Variants in EYA4 observed in about 807,000 individuals in gnomAD.
EYA4 encodes protein phosphatase EYA4.
EYA4 carries 31 observed loss-of-function variants against 87.9 expected under a neutral mutation model. The observed-to-expected ratio is 0.35, with a 90% CI of 0.27 to 0.48. EYA4 has a LOEUF of 0.48. EYA4 is among the 20% of genes least tolerant of loss of function. The probability of loss-of-function intolerance (pLI) is 0.99; values close to 1 mark genes in which losing one functional copy is unlikely to be tolerated. For missense variants in EYA4, 678 were observed against 761.4 expected, an observed-to-expected ratio of 0.89 and a Z score of 1.29; for synonymous variants, 263 against 270.6, an observed-to-expected ratio of 0.97 and a Z score of 0.28.
chr6:133,354,440 G>A (rs1403199476), intron 2 of EYA4, among the ~76,000 whole-genome samples: 1 of 152,098 alleles, frequency 6.6e-6, no homozygotes, highest in Non-Finnish European at 1.5e-5. Context: ...ATAAAGACTA[G>A]CTACTGTTTC....
intron 2 of EYA4, among the ~76,000 whole-genome samples, chr6:133,345,855 G>A (rs895150762): frequency 1.3e-4 from 20 of 152,176 alleles, no homozygotes; most frequent in Admixed American, 9.8e-4. Flanking sequence ...ATTTTCTTCT[G>A]CACACTGCTA....
chr6:133,472,828 G>C (rs1416380515), intron 11 of EYA4, among the ~76,000 whole-genome samples: 1 of 136,026 alleles, frequency 7.4e-6, no homozygotes, highest in Non-Finnish European at 1.6e-5. Flanking sequence ...TTGTTGAATT[G>C]ATCCCTTTAC....
intron 2 of EYA4, among the ~76,000 whole-genome samples, chr6:133,303,526 C>T (rs542864599): frequency 5.3e-5 from 8 of 152,322 alleles, no homozygotes; most frequent in African/African-American, 1.9e-4. Flanking sequence ...AAGATAGTGA[C>T]TGTGACTGGG....
At chr6:133,250,616 T>C (rs982557680) in intron 1 of EYA4, among the ~76,000 whole-genome samples, 6 of 152,028 alleles carry the variant, frequency 3.9e-5, no homozygotes, top group Non-Finnish European at 8.8e-5. Flanking sequence ...CACTCCAGCC[T>C]GGACAACAGA....
At chr6:133,413,681 A>G (rs1789449390) in intron 3 of EYA4, among the ~76,000 whole-genome samples, 1 of 152,038 alleles carries the variant, frequency 6.6e-6, no homozygotes, top group Admixed American at 6.6e-5. Flanking sequence ...TTCTGGGGTG[A>G]CCTCTTCCAT....
chr6:133,278,629 C>T, intron 2 of EYA4, among the ~76,000 whole-genome samples: 1 of 152,068 alleles, frequency 6.6e-6, no homozygotes. Flanking sequence ...AATTTATATT[C>T]GACTCACTTA....
intron 2 of EYA4, among the ~76,000 whole-genome samples, chr6:133,306,783 A>C (rs1779843674): frequency 6.6e-6 from 1 of 152,188 alleles, no homozygotes; most frequent in Non-Finnish European, 1.5e-5. Context: ...TGTCTTATTT[A>C]TAACTCACAT....
At chr6:133,369,414 T>C (rs1054665491) in intron 2 of EYA4, among the ~76,000 whole-genome samples, 13 of 152,226 alleles carry the variant, frequency 8.5e-5, no homozygotes, top group African/African-American at 2.9e-4. Flanking sequence ...TTACATAAAA[T>C]GTTAACATCT....
chr6:133,488,040 G>A (rs760417102), intron 13 of EYA4, among the ~76,000 whole-genome samples: 5 of 152,110 alleles, frequency 3.3e-5, no homozygotes, highest in Non-Finnish European at 5.9e-5. Flanking sequence ...GAAAGCATTC[G>A]CCACAAGCTG....
At chr6:133,393,369 G>A (rs1787471298) in intron 3 of EYA4, among the ~76,000 whole-genome samples, 1 of 152,116 alleles carries the variant, frequency 6.6e-6, no homozygotes, top group Admixed American at 6.5e-5. Context: ...CAAAACAAGA[G>A]CATACATGGT....
intron 2 of EYA4, among the ~76,000 whole-genome samples, chr6:133,328,836 G>T: frequency 6.6e-6 from 1 of 152,080 alleles, no homozygotes; most frequent in East Asian, 1.9e-4. Flanking sequence ...ATACTAGGTT[G>T]TTATGGGTAA....
intron 1 of EYA4, among the ~76,000 whole-genome samples, chr6:133,245,986 CACT>C (rs1011271202): frequency 1.3e-5 from 2 of 152,132 alleles, no homozygotes; most frequent in East Asian, 3.8e-4. Flanking sequence ...TGAAAATGAA[CACT>C]ACTATTCTTA....
chr6:133,341,406 C>T (rs35677071), intron 2 of EYA4, among the ~76,000 whole-genome samples: 14 of 152,098 alleles, frequency 9.2e-5, no homozygotes, highest in African/African-American at 2.7e-4. Context: ...TTTGTAGGTA[C>T]GCAGGAATAA....
chr6:133,284,238 C>T (rs989425017), intron 2 of EYA4, among the ~76,000 whole-genome samples: 9 of 152,176 alleles, frequency 5.9e-5, no homozygotes, highest in African/African-American at 1.4e-4. Context: ...TCACATATCT[C>T]GGCTCACTGC....
At chr6:133,515,165 A>T (rs1799481255) in intron 16 of EYA4, among the ~76,000 whole-genome samples, 156 bp from the exon 17 acceptor site, 1 of 152,224 alleles carries the variant, frequency 6.6e-6, no homozygotes, top group South Asian at 2.1e-4. Flanking sequence ...TTCAATTCAG[A>T]AACGAAGGAT....
At chr6:133,299,931 C>CTATATA (rs1483133674) in intron 2 of EYA4, among the ~76,000 whole-genome samples, 112 of 80,482 alleles carry the variant, frequency 1.4e-3, no homozygotes, top group African/African-American at 5.2e-3. Flanking sequence ...AGATCTCTAT[C>CTATATA]TATCTATCTA....
intron 2 of EYA4, among the ~76,000 whole-genome samples, chr6:133,308,546 T>A (rs1189024620): frequency 6.6e-6 from 1 of 152,168 alleles, no homozygotes; most frequent in Non-Finnish European, 1.5e-5. Context: ...TCTCCCTCCT[T>A]CCCCTTTCTA....
chr6:133,382,996 C>T (rs1226704165), intron 3 of EYA4, among the ~76,000 whole-genome samples: 3 of 151,688 alleles, frequency 2.0e-5, no homozygotes, highest in African/African-American at 7.3e-5. Context: ...GTGGTTGAAC[C>T]AGATGCCCAA....
At chr6:133,453,430 A>G (rs910415084) in intron 5 of EYA4, among the ~76,000 whole-genome samples, 6 of 152,098 alleles carry the variant, frequency 3.9e-5, no homozygotes, top group Non-Finnish European at 7.4e-5. Context: ...TTATATAAAT[A>G]TCAAGATAAT....
Sources: gnomAD v4.1 joint callset for allele counts (sites outside exome capture counted in the v4.1 genomes callset) on GRCh38, gnomAD v4.1.1 for gene constraint, MANE v1.5 for transcripts, NCBI Gene and HGNC (gene_info 2026-07-23, HGNC 2026-07-21) for gene names.